Variants in PCDH11X observed in about 807,000 individuals in gnomAD.
PCDH11X encodes protocadherin 11 X-linked, also known as protocadherin-11 X-linked.
A neutral mutation model predicts 53.3 loss-of-function variants in PCDH11X; 18 were observed. The ratio of observed to expected loss-of-function variants is 0.34; its 90% confidence interval spans 0.23 to 0.50. PCDH11X has a LOEUF of 0.50. Ranked by LOEUF, PCDH11X falls within the 20% of genes least tolerant of loss-of-function variation. The pLI is 0.98. For missense variants in PCDH11X, 570 were observed against 1,032.4 expected (o/e 0.55, Z 6.14); for synonymous variants, 279 against 393.3 (o/e 0.71, Z 3.44).
intron 7 of PCDH11X, among the ~76,000 whole-genome samples, chrX:92,254,837 A>T (rs1344567599): frequency 9.2e-6 from 1 of 109,254 alleles, no homozygotes; most frequent in Non-Finnish European, 1.9e-5. Context: ...CTTCCCTTTG[A>T]GGGTAACCTG....
intron 1 of PCDH11X, among the ~76,000 whole-genome samples, chrX:91,800,037 C>T (rs747642017): frequency 2.7e-5 from 3 of 112,470 alleles, no homozygotes; most frequent in East Asian, 5.6e-4. Context: ...TGCAGTGAGC[C>T]GAGACCGCGC....
rs1409475381 is a variant in PCDH11X at position 91,802,575 on chromosome X, G to A, written c.-378-6891G>A. 2.7e-5 allele frequency among the ~76,000 whole-genome samples: 3 copies of A among 111,348 alleles called. No homozygotes were observed. In the Admixed American group the frequency reaches 2.9e-4, roughly 11 times the overall value. On this transcript the variant is annotated intron_variant, in intron 1 of 10. Coordinates refer to ENST00000682573, the MANE Select transcript of PCDH11X (RefSeq NM_032968.5). ...TGAAATAATTTTTCCTGCACACTTA[G>A]TTTTGTGCTTTTCCCAGATATTTGG... is the stretch of plus-strand genomic sequence containing the variant.
chrX:91,812,849 T>C (rs1936335277), intron 4 of PCDH11X, among the ~76,000 whole-genome samples: 1 of 111,826 alleles, frequency 8.9e-6, no homozygotes, highest in Admixed American at 9.6e-5. Context: ...TTGCAGGTAG[T>C]TGGAATATAA....
intron 6 of PCDH11X, among the ~76,000 whole-genome samples, chrX:91,930,494 T>C (rs188482832): frequency 1.5e-3 from 153 of 105,037 alleles, no homozygotes; most frequent in African/African-American, 4.8e-3. Flanking sequence ...AGAGGTCCTC[T>C]CCAAATATAT....
intron 6 of PCDH11X, among the ~76,000 whole-genome samples, chrX:91,954,010 G>A (rs1242680472): frequency 4.5e-5 from 5 of 110,093 alleles, no homozygotes; most frequent in Non-Finnish European, 9.5e-5. Context: ...GTGCAGGTTT[G>A]TTACATAGGA....
At chrX:92,110,544 G>C (rs776149968) in intron 6 of PCDH11X, among the ~76,000 whole-genome samples, 4 of 100,291 alleles carry the variant, frequency 4.0e-5, no homozygotes, top group East Asian at 5.7e-4. Context: ...CATAAACAAG[G>C]GGGGGGCAGA....
chrX:91,798,836 T>C (rs35252385), intron 1 of PCDH11X, among the ~76,000 whole-genome samples: 1 of 110,937 alleles, frequency 9.0e-6, no homozygotes, highest in Non-Finnish European at 1.9e-5. Context: ...TTAGGATATA[T>C]TACCACTACA....
At chrX:92,150,926 C>T (rs1024400745) in intron 6 of PCDH11X, among the ~76,000 whole-genome samples, 10 of 110,388 alleles carry the variant, frequency 9.1e-5, no homozygotes, top group African/African-American at 3.3e-4. Context: ...TTGTGGTTCC[C>T]CTGTGATGTT....
intron 6 of PCDH11X, among the ~76,000 whole-genome samples, chrX:91,999,800 T>A (rs2062479707): frequency 9.0e-6 from 1 of 110,853 alleles, no homozygotes; most frequent in African/African-American, 3.3e-5. Context: ...ATATTTTTCT[T>A]TTTCATTGTT....
In PCDH11X at chrX:92,176,700, T is replaced by C. The variant is rs748455437; in HGVS notation, c.3034-24675T>C. On this transcript the variant is annotated intron_variant, in intron 6 of 10. Coordinates refer to ENST00000682573, the MANE Select transcript of PCDH11X (RefSeq NM_032968.5). ...CTATAAGCATACCCACATGCGACAT[T>C]TAAGACCAAGCTCATCTAGCTCTTG... is the stretch of plus-strand genomic sequence containing the variant. 2.1e-4 allele frequency among the ~76,000 whole-genome samples: 24 copies of C among 111,759 alleles called. No homozygotes were observed. The East Asian group carries it at 5.7e-3, about 26-fold the overall frequency.
chrX:92,309,922 C>T (rs1379300158), intron 8 of PCDH11X, among the ~76,000 whole-genome samples: 1 of 111,765 alleles, frequency 8.9e-6, no homozygotes, highest in African/African-American at 3.2e-5. Context: ...AACATCTCTT[C>T]CTTGTTGGTA....
intron 9 of PCDH11X, among the ~76,000 whole-genome samples, chrX:92,457,832 A>G (rs972923689): frequency 4.7e-5 from 5 of 106,417 alleles, no homozygotes; most frequent in African/African-American, 1.7e-4. Flanking sequence ...CATTATTGAA[A>G]TAAGTTCAAA....
chrX:91,887,748 G>T (rs1035460866), intron 6 of PCDH11X, among the ~76,000 whole-genome samples: 15 of 110,323 alleles, frequency 1.4e-4, no homozygotes, highest in African/African-American at 4.9e-4. Flanking sequence ...ATACATCCAG[G>T]ACTTTTTACA....
rs774075538 is a variant in PCDH11X at position 91,797,701 on chromosome X, T to G, written c.-378-11765T>G. ...TCCAAATTAACTGCTGGTTTTATTTTTATGTGGACATTAGCCTTATTGTCC... is the reference window on the plus strand; with the variant it reads ...TCCAAATTAACTGCTGGTTTTATTTGTATGTGGACATTAGCCTTATTGTCC... On this transcript the variant is annotated intron_variant, in intron 1 of 10. Transcript: ENST00000682573. 7.4e-5 allele frequency among the ~76,000 whole-genome samples: 8 copies of G among 107,606 alleles called. No individual in the cohort carries two copies. The East Asian group carries it at 2.4e-3, about 32-fold the overall frequency. The allele number at this position is 107,606 out of a possible 115,157, so 93.4% of individuals were successfully genotyped here.
chrX:91,874,930 C>A lies in PCDH11X; in HGVS notation c.541-1851C>A, dbSNP rs1337735153. ...CTATAACCTCAGATCTTATCCTGTT[C>A]TTTTATGATACAGCACATAAATGAG... On this transcript the variant is annotated intron_variant, in intron 5 of 10. Coordinates refer to ENST00000682573, the MANE Select transcript of PCDH11X (RefSeq NM_032968.5). Among the ~76,000 whole-genome samples, 5 of 98,495 alleles carry A rather than the reference C, an allele frequency of 5.1e-5. No homozygotes were observed. The East Asian group carries it at 1.6e-3, about 31-fold the overall frequency. 85.5% of individuals were successfully genotyped at this position (98,495 alleles called of 115,157 possible). A position where few individuals can be genotyped will look rare whatever the true frequency, so the allele number is the denominator to read the frequency against.
rs2148823360 is a variant in PCDH11X at position 92,619,435 on chromosome X, A to G, written c.*495A>G. ...TTTTTGATTTTTGTTTGTTGTTTTC[A>G]GTTTTTTTGTTGTTGTTAGTGAGTC... On this transcript the variant is annotated 3_prime_UTR_variant, in exon 11 of 11. Transcript: ENST00000682573. 7.3e-6 allele frequency: 1 copy of G among 136,284 alleles called. No individual in the cohort carries two copies. Among genetic ancestry groups the G allele is most frequent in the African/African-American group, 3.3e-5 (1 of 30,165 alleles). The allele number at this position is 136,284 out of a possible 1,213,427, so 11.2% of individuals were successfully genotyped here.
chrX:91,997,205 C>CT (rs1029049404), intron 6 of PCDH11X, among the ~76,000 whole-genome samples: 4 of 108,943 alleles, frequency 3.7e-5, no homozygotes, highest in African/African-American at 1.0e-4. Context: ...ATTTGGATGT[C>CT]TTTTTTTTTC....
At chrX:91,933,639 C>G (rs1329407005) in intron 6 of PCDH11X, among the ~76,000 whole-genome samples, 1 of 111,236 alleles carries the variant, frequency 9.0e-6, no homozygotes, top group African/African-American at 3.3e-5. Context: ...TATTTTGGTG[C>G]ATTTTTATCA....
chrX:92,322,996 T>C lies in PCDH11X; in HGVS notation c.3144+59853T>C, dbSNP rs1278317441. On this transcript the variant is annotated intron_variant, in intron 8 of 10. Coordinates refer to ENST00000682573, the MANE Select transcript of PCDH11X (RefSeq NM_032968.5). Reference sequence around the variant, plus strand: ...CCAATAACTTGAAATCGGTAATACATTTACAGCTACTTCCTTTAGTTGCTG... The same window carrying C: ...CCAATAACTTGAAATCGGTAATACACTTACAGCTACTTCCTTTAGTTGCTG... 7.1e-5 allele frequency among the ~76,000 whole-genome samples: 8 copies of C among 112,035 alleles called. No homozygotes were observed. In the South Asian group the frequency reaches 1.9e-3, roughly 26 times the overall value.
Sources: allele counts gnomAD v4.1 joint callset (sites outside exome capture counted in the v4.1 genomes callset), GRCh38; gene constraint gnomAD v4.1.1; transcripts MANE v1.5; gene names NCBI Gene and HGNC (gene_info 2026-07-23, HGNC 2026-07-21).